CUL4A: variants seen among roughly 807,000 people sequenced by gnomAD.
CUL4A encodes the protein cullin-4A.
A neutral mutation model predicts 95.5 loss-of-function variants in CUL4A; 16 were observed. The observed-to-expected ratio is 0.17, with a 90% CI of 0.11 to 0.25. The LOEUF (loss-of-function observed/expected upper bound fraction) is 0.25. Ranked by LOEUF, CUL4A falls within the 10% of genes least tolerant of loss-of-function variation. CUL4A has a pLI of 1.00. For missense variants in CUL4A, 610 were observed against 937.0 expected (o/e 0.65, Z 4.56); for synonymous variants, 380 against 353.1 (o/e 1.08, Z -0.85).
At position 113,255,001 on chromosome 13, in the gene CUL4A, C is replaced by T; in HGVS notation, c.1907C>T (p.Ala636Val). 6.2e-7 allele frequency: 1 copy of T among 1,614,126 alleles called. No individual in the cohort carries two copies. The highest frequency in any genetic ancestry group is 8.5e-7 in the Non-Finnish European group (1 of 1,180,022). The change falls in exon 18 of 20, where the codon GCA becomes GTA. Residue 636 changes from alanine to valine, a missense_variant. Physicochemically the swap from Ala to Val is moderately conservative, Grantham distance 64. This residue lies in a region of CUL4A where 72 missense variants were observed against 93.2 expected (regional missense o/e 0.77). Coordinates refer to ENST00000375440, the MANE Select transcript of CUL4A (RefSeq NM_001008895.4). ...CTGCAGTCCCTGGCCTGTGGCAAAG[C>T]ACGTGTGCTGATTAAAAGTCCCAAA... ...RTLQSLACGKARVLIKSPKGK... is the reference protein window; with the variant it reads ...RTLQSLACGKVRVLIKSPKGK...
chr13:113,256,926 G>GTTTTTTTTTTTTTTGT (rs2042138418), intron 18 of CUL4A, among the ~76,000 whole-genome samples: 1 of 47,376 alleles, frequency 2.1e-5, no homozygotes, highest in African/African-American at 9.0e-5. Context: ...TTTTTTTTTC[G>GTTTTTTTTTTTTTTGT]TTTTTTTTTT....
intron 5 of CUL4A, among the ~76,000 whole-genome samples, chr13:113,231,013 TCCTCCCACCTCAG>T (rs1444017472): frequency 6.6e-5 from 10 of 152,110 alleles, no homozygotes; most frequent in Non-Finnish European, 1.3e-4. Context: ...CCTCAAGCGA[TCCTCCCACCTCAG>T]CCTCCCAAAG....
intron 7 of CUL4A, among the ~76,000 whole-genome samples, chr13:113,234,367 A>G (rs1175571324): frequency 6.6e-6 from 1 of 152,242 alleles, no homozygotes; most frequent in East Asian, 1.9e-4. Flanking sequence ...GCTGTGCGAA[A>G]AAACATGTAG....
At chr13:113,229,303 A>G (rs1174526028) in intron 4 of CUL4A, 143 bp from the exon 5 acceptor site, 5 of 633,362 alleles carry the variant, frequency 7.9e-6, no homozygotes, top group African/African-American at 1.9e-5. Context: ...TTAACTTTAG[A>G]AAAAAAAAAT....
chr13:113,227,124 C>T (rs1247839125), intron 3 of CUL4A, among the ~76,000 whole-genome samples: 15 of 152,194 alleles, frequency 9.9e-5, no homozygotes, highest in Non-Finnish European at 1.9e-4. Context: ...GGGAAAGCAG[C>T]ACAGGCAAGC....
At chr13:113,217,975 G>A (rs541866363) in intron 2 of CUL4A, among the ~76,000 whole-genome samples, 4 of 152,238 alleles carry the variant, frequency 2.6e-5, no homozygotes, top group Non-Finnish European at 5.9e-5. Flanking sequence ...GGTGGCTCAT[G>A]CCTGTAATCC....
chr13:113,216,856 T>C (rs1171178977), intron 2 of CUL4A, among the ~76,000 whole-genome samples: 1 of 152,186 alleles, frequency 6.6e-6, no homozygotes, highest in Non-Finnish European at 1.5e-5. Context: ...GCCTGTAATA[T>C]GAAGCCGGGA....
intron 8 of CUL4A, 22 bp downstream of exon 8, chr13:113,235,167 A>C (rs1484197143): frequency 1.3e-6 from 2 of 1,528,062 alleles, no homozygotes; most frequent in Admixed American, 1.7e-5. Flanking sequence ...TTGCTCGCTG[A>C]GCGTTCGTAT....
upstream of CUL4A, chr13:113,208,558 G>T: frequency 6.2e-7 from 1 of 1,600,848 alleles, no homozygotes; most frequent in Non-Finnish European, 8.5e-7. Flanking sequence ...AACACGCCGA[G>T]GGCCAACCAC....
intron 18 of CUL4A, 60 bp from the exon 19 acceptor site, chr13:113,260,547 C>T (rs1228125438): frequency 3.0e-5 from 44 of 1,480,694 alleles, no homozygotes; most frequent in Middle Eastern, 1.9e-4. Flanking sequence ...GAGACTCCAT[C>T]GCAAAAAATA....
chr13:113,231,151 A>G (rs751051278), intron 5 of CUL4A, among the ~76,000 whole-genome samples: 1 of 152,204 alleles, frequency 6.6e-6, no homozygotes, highest in East Asian at 1.9e-4. Flanking sequence ...AATAGAATAA[A>G]TGATACCACC....
At chr13:113,245,421 A>G (rs562802510) in intron 14 of CUL4A, among the ~76,000 whole-genome samples, 184 bp downstream of exon 14, 7 of 152,282 alleles carry the variant, frequency 4.6e-5, no homozygotes, top group Admixed American at 2.0e-4. Context: ...TTTTTAATGA[A>G]CAGGTAGTCC....
At position 113,210,066 on chromosome 13, in the gene CUL4A, A is replaced by C; in HGVS notation, c.242A>C (p.Tyr81Ser). ...RAVQSSTSIRYNLEELYQAVE... is the reference protein window; with the variant it reads ...RAVQSSTSIRSNLEELYQAVE... The stretch of plus-strand genomic sequence containing the variant: ...GTGCAGAGCAGCACCTCCATCAGGT[A>C]CAACCTCGAGGAGCTCTACCAGGTG... The change falls in exon 2 of 20, where the codon TAC (tyrosine) becomes TCC (serine). Residue 81 changes from tyrosine (Y) to serine (S), a missense_variant. Transcript: ENST00000375440. 4 of 1,514,446 alleles carry C rather than the reference A, an allele frequency of 2.6e-6. No individual in the cohort carries two copies. Among genetic ancestry groups the C allele is most frequent in the Non-Finnish European group, 3.5e-6 (4 of 1,132,104 alleles). 93.8% of individuals were successfully genotyped at this position (1,514,446 alleles called of 1,614,324 possible). A position where few individuals can be genotyped will look rare whatever the true frequency, so the allele number is the denominator to read the frequency against.
At chr13:113,227,576 ATTC>A (rs2041151851) in intron 3 of CUL4A, among the ~76,000 whole-genome samples, 1 of 152,198 alleles carries the variant, frequency 6.6e-6, no homozygotes, top group Non-Finnish European at 1.5e-5. Context: ...GGTGTGTAGT[ATTC>A]AGTGGAGAAG....
At chr13:113,227,372 G>A (rs116011764) in intron 3 of CUL4A, among the ~76,000 whole-genome samples, 52 of 152,270 alleles carry the variant, frequency 3.4e-4, no homozygotes, top group African/African-American at 1.2e-3. Flanking sequence ...TTATGTGGTG[G>A]AAGAGGCAGG....
chr13:113,209,461 G>A (rs1449746013), upstream of CUL4A: 2 of 210,398 alleles, frequency 9.5e-6, no homozygotes, highest in South Asian at 1.5e-4. Flanking sequence ...GCGTTCCTAA[G>A]CCCTCAGGAG....
At chr13:113,225,232 C>A (rs1177212913) in intron 3 of CUL4A, among the ~76,000 whole-genome samples, 2 of 152,138 alleles carry the variant, frequency 1.3e-5, no homozygotes, top group Admixed American at 1.3e-4. Context: ...CGAGAATACA[C>A]TATTGACAGA....
chr13:113,213,925 C>A (rs2040546421), intron 2 of CUL4A, among the ~76,000 whole-genome samples: 1 of 152,228 alleles, frequency 6.6e-6, no homozygotes, highest in Non-Finnish European at 1.5e-5. Flanking sequence ...CATGAGCTGC[C>A]TCAGATCTAT....
rs2041421222 is a variant in CUL4A at position 113,233,248 on chromosome 13, G to T, written c.584G>T (p.Gly195Val). The change falls in exon 6 of 20, where the codon GGA (glycine) becomes GTA (valine). Residue 195 changes from glycine to valine, a missense_variant. Gly to Val is a moderately radical substitution (Grantham distance 109). Transcript: ENST00000375440. ...ATGGTTCAGAGTAAAACCATTGATG[G>T]AATCCTACTGCTGATCGAGCGCGAG... is the stretch of plus-strand genomic sequence containing the variant. The part of the protein sequence containing the change: ...DKMVQSKTID[G>V]ILLLIERERS... 3 of 1,614,094 alleles carry T rather than the reference G, an allele frequency of 1.9e-6. No individual in the cohort carries two copies. The highest frequency in any genetic ancestry group is 1.7e-5 in the Admixed American group (1 of 60,024).
Sources: gnomAD v4.1 joint callset for allele counts (sites outside exome capture counted in the v4.1 genomes callset) on GRCh38, gnomAD v4.1.1 for gene constraint, gnomAD v4.1.1 regional missense constraint, MANE v1.5 for transcripts, NCBI Gene and HGNC (gene_info 2026-07-23, HGNC 2026-07-21) for gene names.